MROH9: variants seen among roughly 807,000 people sequenced by gnomAD.
MROH9 encodes the protein maestro heat like repeat family member 9.
In MROH9, 92 loss-of-function variants were observed where a neutral mutation model predicts 98.2. The ratio of observed to expected loss-of-function variants is 0.94; its 90% CI spans 0.79 to 1.11. The LOEUF (loss-of-function observed/expected upper bound fraction) is 1.11, where lower values mean the gene tolerates loss of function less well. MROH9 is among the 50% of genes most tolerant of loss of function. The probability of loss-of-function intolerance (pLI) is 0.00; values close to 1 mark genes in which losing one functional copy is unlikely to be tolerated. For synonymous variants in MROH9, 397 were observed against 368.9 expected, an observed-to-expected ratio of 1.08 and a Z score of -0.87; for missense variants, 1,057 against 1,014.8, an observed-to-expected ratio of 1.04 and a Z score of -0.57.
intron 3 of MROH9, among the ~76,000 whole-genome samples, chr1:170,957,831 CAG>C (rs778613299): frequency 2.2e-4 from 31 of 142,918 alleles, no homozygotes; most frequent in Non-Finnish European, 4.3e-4. Flanking sequence ...TTTTTTGAGA[CAG>C]AGTCTCTCTC....
intron 20 of MROH9, among the ~76,000 whole-genome samples, chr1:171,055,032 T>TA (rs375031261): frequency 0.025 from 3,031 of 122,488 alleles, 73 homozygotes; most frequent in African/African-American, 0.069. Context: ...GAAGTCATTA[T>TA]AAAAAAAAAA....
chr1:171,014,164 C>T lies in MROH9; in HGVS notation c.1644C>T (p.Val548=). 1 of 1,550,926 alleles carries T rather than the reference C, an allele frequency of 6.4e-7. No individual in the cohort carries two copies. Among genetic ancestry groups the T allele is most frequent in the African/African-American group, 1.4e-5 (1 of 73,140 alleles). Residue 548 remains valine (V), a synonymous_variant, in exon 16 of 22, where the codon GTC becomes GTT. Transcript: ENST00000367759. ...FKDPLPEEFL[V]LFINWINDSN... ...ACCCTTTACCAGAAGAATTTTTGGT[C>T]CTCTTCATAAACTGGATCAATGATT... is the stretch of plus-strand genomic sequence containing the variant.
chr1:170,997,311 T>A (rs1651619258), intron 14 of MROH9, among the ~76,000 whole-genome samples: 2 of 152,110 alleles, frequency 1.3e-5, no homozygotes, highest in Non-Finnish European at 2.9e-5. Flanking sequence ...CATGCTGTGT[T>A]AAAGTGTAGT....
rs1463372465 is a variant in MROH9 at position 171,025,341 on chromosome 1, T to C, written c.2202T>C (p.Ile734=). The C allele has an allele frequency of 1.3e-6, 2 of 1,548,106 alleles. No homozygotes were observed. The highest frequency in any genetic ancestry group is 2.7e-5 in the African/African-American group (2 of 73,098). ...NNLIISHRNY[I]TDLTSDTLRF... is the part of the protein sequence containing the mutation. Reference sequence around the variant, plus strand: ...AGATTATTTCTCATAGGAACTACATTACAGATTTGACATCTGATACCTTAC... The same window carrying C: ...AGATTATTTCTCATAGGAACTACATCACAGATTTGACATCTGATACCTTAC... Residue 734 remains isoleucine, a synonymous_variant, in exon 20 of 22, where the codon ATT becomes ATC. Transcript: ENST00000367759.
intron 15 of MROH9, among the ~76,000 whole-genome samples, chr1:171,005,532 T>C (rs929842344): frequency 4.6e-5 from 7 of 152,222 alleles, no homozygotes; most frequent in Non-Finnish European, 8.8e-5. Flanking sequence ...TTAATTTTTA[T>C]AGCTATTGTA....
chr1:171,041,094 T>C (rs1653282796), intron 20 of MROH9, among the ~76,000 whole-genome samples: 1 of 151,826 alleles, frequency 6.6e-6, no homozygotes, highest in African/African-American at 2.4e-5. Context: ...ACAATGTACA[T>C]TGTACTCAAT....
chr1:171,043,507 T>C (rs532715742), intron 20 of MROH9, among the ~76,000 whole-genome samples: 1 of 152,230 alleles, frequency 6.6e-6, no homozygotes, highest in South Asian at 2.1e-4. Context: ...TTTCTATTTA[T>C]ATAAAGAATG....
intron 1 of MROH9, among the ~76,000 whole-genome samples, chr1:170,938,957 C>T (rs538099156): frequency 8.5e-5 from 13 of 152,286 alleles, no homozygotes; most frequent in Admixed American, 4.6e-4. Context: ...AATTTACATC[C>T]CTGACACTAT....
Position 170,989,801 on chromosome 1 carries a change from A to G in MROH9, c.880-54A>G, listed in dbSNP as rs925174155. The G allele has an allele frequency of 4.6e-6, 7 of 1,520,502 alleles. No individual in the cohort carries two copies. In the Admixed American group the frequency reaches 8.8e-5, roughly 19 times the overall value. The allele number at this position is 1,520,502 out of a possible 1,614,324, so 94.2% of individuals were successfully genotyped here. A position where few individuals can be genotyped will look rare whatever the true frequency, so the allele number is the denominator to read the frequency against. On this transcript the variant is annotated intron_variant, in intron 10 of 21. Transcript: ENST00000367759. ...TTATGTCCAAGAAATGCCTTGGTTTAGAGGTGACCATGGAACAGGAGATTC... is the reference window on the plus strand; with the variant it reads ...TTATGTCCAAGAAATGCCTTGGTTTGGAGGTGACCATGGAACAGGAGATTC...
intron 3 of MROH9, among the ~76,000 whole-genome samples, chr1:170,948,152 T>C (rs1405350418): frequency 6.6e-6 from 1 of 152,058 alleles, no homozygotes; most frequent in Non-Finnish European, 1.5e-5. Context: ...TCCAGTCATT[T>C]TTCAAAATTG....
rs529802151 is a variant in MROH9, at chr1:170,978,861, C to T, written c.617-4561C>T. On this transcript the variant is annotated intron_variant, in intron 8 of 21. Coordinates refer to ENST00000367759, the MANE Select transcript of MROH9 (RefSeq NM_001163629.2). ...CAGACCAGCCTTTGGTCCCCACAGA[C>T]TCTCAAGAACCTGGAGACAGTAAGG... 7.9e-5 allele frequency among the ~76,000 whole-genome samples: 12 copies of T among 152,260 alleles called. No individual in the cohort carries two copies. The South Asian group carries it at 2.5e-3, about 32-fold the overall frequency.
intron 20 of MROH9, among the ~76,000 whole-genome samples, chr1:171,052,867 G>A (rs1653713794): frequency 2.6e-5 from 4 of 152,164 alleles, no homozygotes; most frequent in Non-Finnish European, 5.9e-5. Flanking sequence ...GTAGGGAGTG[G>A]AGGGAGCACT....
In MROH9 at chr1:171,016,193, A is replaced by G; in HGVS notation, c.1765A>G (p.Ile589Val). 2 of 1,531,036 alleles carry G rather than the reference A, an allele frequency of 1.3e-6. No homozygotes were observed. Among genetic ancestry groups the G allele is most frequent in the Non-Finnish European group, 1.8e-6 (2 of 1,138,486 alleles). 94.8% of individuals were successfully genotyped at this position (1,531,036 alleles called of 1,614,324 possible). ...TENVSSILIAILDAFLSKDDN... is the reference protein window; with the variant it reads ...TENVSSILIAVLDAFLSKDDN... Reference sequence around the variant, plus strand: ...AAATGTCAGCAGTATATTAATAGCCATCCTGGATGCCTTCCTTTCCAAAGA... The same window carrying G: ...AAATGTCAGCAGTATATTAATAGCCGTCCTGGATGCCTTCCTTTCCAAAGA... The change falls in exon 17 of 22, where the codon ATC becomes GTC. Residue 589 changes from isoleucine (I) to valine (V), a missense_variant. Physicochemically the swap from Ile to Val is conservative, Grantham distance 29. Coordinates refer to ENST00000367759, the MANE Select transcript of MROH9 (RefSeq NM_001163629.2).
chr1:170,989,319 A>G (rs1031678456), intron 10 of MROH9, among the ~76,000 whole-genome samples: 1 of 152,164 alleles, frequency 6.6e-6, no homozygotes, highest in African/African-American at 2.4e-5. Flanking sequence ...CTTGTTCAAG[A>G]ATGAGTAAAA....
intron 20 of MROH9, among the ~76,000 whole-genome samples, chr1:171,048,248 C>G (rs905729992): frequency 6.6e-6 from 1 of 152,158 alleles, no homozygotes; most frequent in Non-Finnish European, 1.5e-5. Context: ...ACAGTGAGGT[C>G]CCCCAGGACA....
intron 20 of MROH9, among the ~76,000 whole-genome samples, chr1:171,050,820 T>C (rs1293475391): frequency 1.3e-5 from 2 of 152,214 alleles, no homozygotes; most frequent in Non-Finnish European, 2.9e-5. Flanking sequence ...ATATGGCTTT[T>C]ATTATTTTGA....
intron 15 of MROH9, among the ~76,000 whole-genome samples, chr1:171,012,930 A>C (rs1168391102): frequency 6.6e-6 from 1 of 151,952 alleles, no homozygotes; most frequent in East Asian, 1.9e-4. Context: ...AACTTCCTCA[A>C]ACTGGCCTGC....
At chr1:171,024,103 G>T (rs1557902517) in intron 17 of MROH9, among the ~76,000 whole-genome samples, 1 of 152,082 alleles carries the variant, frequency 6.6e-6, no homozygotes, top group Non-Finnish European at 1.5e-5. Context: ...AGGCTGAAAA[G>T]TATTTCAATT....
At chr1:170,987,253 TGCC>T (rs1651174351) in intron 10 of MROH9, among the ~76,000 whole-genome samples, 1 of 152,250 alleles carries the variant, frequency 6.6e-6, no homozygotes, top group Non-Finnish European at 1.5e-5. Flanking sequence ...CATAATATTT[TGCC>T]ATATTTGCTT....
Sources: gnomAD v4.1 joint callset for allele counts (sites outside exome capture counted in the v4.1 genomes callset) on GRCh38, gnomAD v4.1.1 for gene constraint, MANE v1.5 for transcripts, NCBI Gene and HGNC (gene_info 2026-07-23, HGNC 2026-07-21) for gene names.